Variants in ZFP90 observed in about 807,000 individuals in gnomAD.
ZFP90 encodes the protein zinc finger protein 90 homolog.
ZFP90 carries 38 observed loss-of-function variants against 60.8 expected under a neutral mutation model. That is an observed-to-expected ratio of 0.62 (90% confidence interval 0.48 to 0.82). The LOEUF (loss-of-function observed/expected upper bound fraction) is 0.82, where lower values mean the gene tolerates loss of function less well. Ranked by LOEUF, ZFP90 falls within the 40% of genes least tolerant of loss-of-function variation. The pLI is 0.00. For synonymous variants in ZFP90, 287 were observed against 264.8 expected, an observed-to-expected ratio of 1.08 and a Z score of -0.82; for missense variants, 711 against 759.1, an observed-to-expected ratio of 0.94 and a Z score of 0.74.
chr16:68,546,973 T>A (rs2091162496), intron 2 of ZFP90, among the ~76,000 whole-genome samples: 2 of 152,258 alleles, frequency 1.3e-5, no homozygotes, highest in South Asian at 4.1e-4. Context: ...TCCATTTTGC[T>A]TATCCATTCA....
chr16:68,553,291 G>A (rs1219471111), intron 2 of ZFP90, among the ~76,000 whole-genome samples: 2 of 152,154 alleles, frequency 1.3e-5, no homozygotes, highest in East Asian at 1.9e-4. Context: ...GCTCTGATAA[G>A]GTGACATTTG....
At chr16:68,536,314 CTT>C (rs1228941091), upstream of ZFP90, among the ~76,000 whole-genome samples, 2 of 152,050 alleles carry the variant, frequency 1.3e-5, no homozygotes, top group East Asian at 3.9e-4. Flanking sequence ...AATTCTTTTT[CTT>C]TCTTTTGAGA....
Position 68,565,912 on chromosome 16 carries a change from C to T in ZFP90, c.*1214C>T. ...GGCTAAGGCAGATAGACTGCTTGAA[C>T]CCAGGAGTTCAAGACCAGCCTGGAC... On this transcript the variant is annotated 3_prime_UTR_variant, in exon 5 of 5. Coordinates refer to ENST00000563169, the MANE Select transcript of ZFP90 (RefSeq NM_001305203.2). 5.5e-6 allele frequency: 5 copies of T among 917,276 alleles called. No homozygotes were observed. The highest frequency in any genetic ancestry group is 6.5e-6 in the Non-Finnish European group (5 of 768,212). The allele number at this position is 917,276 out of a possible 1,614,324, so 56.8% of individuals were successfully genotyped here.
chr16:68,540,490 C>G (rs955775592), intron 2 of ZFP90, among the ~76,000 whole-genome samples: 3 of 152,124 alleles, frequency 2.0e-5, no homozygotes, highest in African/African-American at 7.2e-5. Context: ...CCCATTTATT[C>G]TTGTGGCAGA....
At chr16:68,533,504 A>G (rs919586339) in intron 1 of ZFP90, among the ~76,000 whole-genome samples, 3 of 152,174 alleles carry the variant, frequency 2.0e-5, no homozygotes, top group Admixed American at 6.5e-5. Flanking sequence ...CCTTGTCTAT[A>G]TATGACTGCA....
chr16:68,566,169 G>A lies in ZFP90; in HGVS notation c.*1471G>A. Reference sequence around the variant, plus strand: ...TTAGTTGTATAATGCTTTTCTATTAGTAAAGCATCAGCTAAGCTTCAGTGG... The same window carrying A: ...TTAGTTGTATAATGCTTTTCTATTAATAAAGCATCAGCTAAGCTTCAGTGG... On this transcript the variant is annotated 3_prime_UTR_variant, in exon 5 of 5. Coordinates refer to ENST00000563169, the MANE Select transcript of ZFP90 (RefSeq NM_001305203.2). 1.0e-6 allele frequency: 1 copy of A among 985,472 alleles called. No homozygotes were observed. 61.0% of individuals were successfully genotyped at this position (985,472 alleles called of 1,614,324 possible).
At chr16:68,560,537 T>TTGATTTTGTTTGTTTATTTA (rs149308667) in intron 4 of ZFP90, among the ~76,000 whole-genome samples, 5 of 147,228 alleles carry the variant, frequency 3.4e-5, no homozygotes, top group African/African-American at 7.5e-5. Context: ...CCACACTGGA[T>TTGATTTTGTTTGTTTATTTA]TTTATTTATT....
chr16:68,575,535 CAAAAAAAAAA>C (rs34872149), intron 2 of ZFP90, among the ~76,000 whole-genome samples: 2 of 82,372 alleles, frequency 2.4e-5, no homozygotes, highest in South Asian at 6.8e-4. Context: ...TGTGAGTATG[CAAAAAAAAAA>C]AAAAAAAAAA....
At chr16:68,575,333 A>G (rs1567418347) in intron 2 of ZFP90, among the ~76,000 whole-genome samples, 1 of 152,144 alleles carries the variant, frequency 6.6e-6, no homozygotes, top group Non-Finnish European at 1.5e-5. Context: ...CTTGTCCTGC[A>G]TCCAAGAAGA....
At position 68,558,470 on chromosome 16, in the gene ZFP90, C is replaced by T; in HGVS notation, c.161-3C>T. ...CAAATCTTGTGTATTTACCCATGAG[C>T]AGGATATCAAGTTTCCAAGCCAGAG... On this transcript the variant is annotated splice_polypyrimidine_tract_variant and splice_region_variant and intron_variant, in intron 3 of 4. Coordinates refer to ENST00000563169, the MANE Select transcript of ZFP90 (RefSeq NM_001305203.2). The T allele has an allele frequency of 6.2e-7, 1 of 1,613,496 alleles. No individual in the cohort carries two copies. The highest frequency in any genetic ancestry group is 8.5e-7 in the Non-Finnish European group (1 of 1,179,672).
In ZFP90 at chr16:68,542,691, AG is replaced by A. The variant is rs1440550696; in HGVS notation, c.33+2867del. On this transcript the variant is annotated intron_variant, in intron 2 of 4. Transcript: ENST00000563169. ...GAAGATGGCGGTGCATGTTCATTAAAGCATTTTCTTTGTAACACCAGCTGTG... is the reference window on the plus strand; with the variant it reads ...GAAGATGGCGGTGCATGTTCATTAAACATTTTCTTTGTAACACCAGCTGTG... Among the ~76,000 whole-genome samples, 27 of 152,320 alleles carry A rather than the reference AG, an allele frequency of 1.8e-4. 1 individual carries two copies. The South Asian group carries it at 2.1e-3, about 12-fold the overall frequency.
At chr16:68,560,791 T>C (rs1232351672) in intron 4 of ZFP90, among the ~76,000 whole-genome samples, 2 of 151,946 alleles carry the variant, frequency 1.3e-5, no homozygotes, top group African/African-American at 4.8e-5. Context: ...CTCAAACTCC[T>C]AGCCTAATAT....
upstream of ZFP90, among the ~76,000 whole-genome samples, chr16:68,536,203 T>G (rs2090959589): frequency 6.6e-6 from 1 of 152,232 alleles, no homozygotes; most frequent in Admixed American, 6.5e-5. Flanking sequence ...CTCTCCTGGG[T>G]AGGCTCAATG....
intron 2 of ZFP90, among the ~76,000 whole-genome samples, chr16:68,548,954 C>T (rs976406540): frequency 6.6e-6 from 1 of 152,144 alleles, no homozygotes; most frequent in Non-Finnish European, 1.5e-5. Flanking sequence ...GAATTTAATT[C>T]ACTAACCCAT....
chr16:68,533,791 G>A (rs751188355), exon 2 of ZFP90: 2 of 152,144 alleles, frequency 1.3e-5, no homozygotes, highest in Non-Finnish European at 2.9e-5. Context: ...TCCTGCCTCA[G>A]CCTCCTGAGT....
intron 4 of ZFP90, among the ~76,000 whole-genome samples, chr16:68,560,713 C>T (rs1043846154): frequency 4.7e-5 from 7 of 150,136 alleles, no homozygotes; most frequent in Non-Finnish European, 8.9e-5. Flanking sequence ...CGCACCAACT[C>T]GCCTGGCTAG....
chr16:68,537,389 G>A (rs540366838), upstream of ZFP90, among the ~76,000 whole-genome samples: 3 of 152,034 alleles, frequency 2.0e-5, no homozygotes, highest in South Asian at 6.2e-4. Flanking sequence ...GCCTCCCAAA[G>A]TGCTGGGATT....
At position 68,558,052 on chromosome 16, in the gene ZFP90, C is replaced by T. The variant is rs748062574; in HGVS notation, c.88C>T (p.His30Tyr). The change falls in exon 3 of 5, where the codon CAT (histidine) becomes TAT (tyrosine). Residue 30 changes from histidine to tyrosine, a missense_variant. By Grantham distance (83) the His-to-Tyr change is moderately conservative. Coordinates refer to ENST00000563169, the MANE Select transcript of ZFP90 (RefSeq NM_001305203.2). ...SVDFTQEEWY[H>Y]VDPAQRSLYR... ...GGACTTCACCCAGGAAGAATGGTAC[C>T]ATGTCGACCCTGCTCAGAGGAGCTT... The T allele has an allele frequency of 6.2e-6, 10 of 1,613,756 alleles. No individual in the cohort carries two copies. In the Admixed American group the frequency reaches 8.3e-5, roughly 13 times the overall value.
At chr16:68,556,774 A>G (rs1036946368) in intron 2 of ZFP90, among the ~76,000 whole-genome samples, 4 of 152,190 alleles carry the variant, frequency 2.6e-5, no homozygotes, top group Admixed American at 2.0e-4. Flanking sequence ...CTAGCAGGAA[A>G]ATTAAACACA....
Sources: allele counts gnomAD v4.1 joint callset (sites outside exome capture counted in the v4.1 genomes callset), GRCh38; gene constraint gnomAD v4.1.1; transcripts MANE v1.5; gene names NCBI Gene and HGNC (gene_info 2026-07-23, HGNC 2026-07-21).